The following FCAR variants were observed in gnomAD, a reference collection of about 807,000 sequenced individuals.
FCAR encodes the protein Fc alpha receptor, also known as immunoglobulin alpha Fc receptor.
Under a neutral mutation model 27.1 loss-of-function variants are expected in FCAR, and 21 were observed. That is an observed-to-expected ratio of 0.77 (90% CI 0.55 to 1.11). The LOEUF is 1.11. Among genes scored for constraint, FCAR ranks in the 50% most tolerant of loss-of-function variants. The pLI, the probability that FCAR is intolerant of heterozygous loss-of-function variation, is 0.00. For missense variants in FCAR, 404 were observed against 358.4 expected (o/e 1.13, Z -1.03); for synonymous variants, 134 against 135.8 (o/e 0.99, Z 0.09).
chr19:54,874,858 A>G (rs1434521358), intron 1 of FCAR, among the ~76,000 whole-genome samples: 1 of 151,998 alleles, frequency 6.6e-6, no homozygotes, highest in East Asian at 1.9e-4. Context: ...TTTTTTCAAT[A>G]GTTTCAGTAG....
At chr19:54,876,552 T>C (rs181904125) in intron 2 of FCAR, among the ~76,000 whole-genome samples, 55 of 152,322 alleles carry the variant, frequency 3.6e-4, no homozygotes, top group African/African-American at 1.3e-3. Flanking sequence ...TGTTGAATTT[T>C]ATCAAAAGCT....
chr19:54,876,910 G>C (rs1418636621), intron 2 of FCAR, among the ~76,000 whole-genome samples: 1 of 152,192 alleles, frequency 6.6e-6, no homozygotes, highest in Non-Finnish European at 1.5e-5. Context: ...AACAGAGCGA[G>C]ACTCCTATAT....
chr19:54,885,498 A>C lies in FCAR; in HGVS notation c.334A>C (p.Ser112Arg). 1 of 1,613,282 alleles carries C rather than the reference A, an allele frequency of 6.2e-7. No individual in the cohort carries two copies. Among genetic ancestry groups the C allele is most frequent in the Non-Finnish European group, 8.5e-7 (1 of 1,179,196 alleles). The stretch of plus-strand genomic sequence containing the variant: ...GATAGGGCACTACAGGTTCCGGTAC[A>C]GTGACACCCTGGAGCTGGTAGTGAC... ...YRIGHYRFRYSDTLELVVTGL... is the reference protein window; with the variant it reads ...YRIGHYRFRYRDTLELVVTGL... The change falls in exon 3 of 5, where the codon AGT (serine) becomes CGT (arginine). Residue 112 changes from serine to arginine, a missense_variant. Coordinates refer to ENST00000355524, the MANE Select transcript of FCAR (RefSeq NM_002000.4).
At chr19:54,876,715 C>T (rs1413803741) in intron 2 of FCAR, among the ~76,000 whole-genome samples, 3 of 152,044 alleles carry the variant, frequency 2.0e-5, no homozygotes, top group Non-Finnish European at 4.4e-5. Context: ...GTCAGGAGAT[C>T]GACACCATCC....
At chr19:54,880,191 C>T (rs1399041551) in intron 2 of FCAR, among the ~76,000 whole-genome samples, 1 of 152,148 alleles carries the variant, frequency 6.6e-6, no homozygotes, top group Non-Finnish European at 1.5e-5. Flanking sequence ...TTCGGGGATG[C>T]CAATGGGCTA....
intron 3 of FCAR, among the ~76,000 whole-genome samples, chr19:54,885,942 G>A (rs984681008): frequency 6.6e-5 from 10 of 151,372 alleles, no homozygotes; most frequent in East Asian, 3.9e-4. Flanking sequence ...TGAATTCCCC[G>A]TCTCTACTGA....
At chr19:54,889,501 G>A (rs868835106) in intron 4 of FCAR, 148 bp from the exon 5 acceptor site, 4 of 701,744 alleles carry the variant, frequency 5.7e-6, no homozygotes, top group African/African-American at 5.2e-5. Context: ...GTGTGGTGCT[G>A]GCGAAGCATG....
intron 4 of FCAR, 135 bp downstream of exon 4, chr19:54,888,429 A>G (rs1465176452): frequency 6.9e-7 from 1 of 1,450,306 alleles, no homozygotes; most frequent in Non-Finnish European, 9.1e-7. Context: ...GTGGAGAGAG[A>G]AAGGCTTCCC....
chr19:54,887,690 G>A (rs1238220579), intron 3 of FCAR, among the ~76,000 whole-genome samples: 1 of 151,274 alleles, frequency 6.6e-6, no homozygotes, highest in East Asian at 1.9e-4. Flanking sequence ...GCCAAGGTGG[G>A]CAAATCACCT....
At chr19:54,889,567 G>C (rs151132237) in intron 4 of FCAR, 82 bp from the exon 5 acceptor site, 14 of 1,198,032 alleles carry the variant, frequency 1.2e-5, no homozygotes, top group African/African-American at 6.0e-5. Flanking sequence ...AAAGGAAAAT[G>C]AGCTCCCGTT....
rs190835024 is a variant in FCAR at position 54,876,358 on chromosome 19, T to C, written c.70+993T>C. On this transcript the variant is annotated intron_variant, in intron 2 of 4. Transcript: ENST00000355524. ...TGATTGCTCTAGCTAGGACCTCCAG[T>C]ACTATGTTGAACAGAAGTAGTGAGA... 1.4e-3 allele frequency among the ~76,000 whole-genome samples: 220 copies of C among 152,308 alleles called. 2 individuals are homozygous for C. The highest frequency in any genetic ancestry group is 5.2e-3 in the African/African-American group (215 of 41,566).
intron 2 of FCAR, among the ~76,000 whole-genome samples, chr19:54,883,586 G>A (rs895426738): frequency 6.6e-6 from 1 of 152,134 alleles, no homozygotes; most frequent in African/African-American, 2.4e-5. Context: ...CGGCTTGGTC[G>A]CCACCTAACG....
chr19:54,877,539 T>G (rs887319718), intron 2 of FCAR, among the ~76,000 whole-genome samples: 1 of 152,156 alleles, frequency 6.6e-6, no homozygotes, highest in East Asian at 1.9e-4. Context: ...TTTCAAAAAT[T>G]CTACTCCTCG....
At chr19:54,881,501 T>G (rs73932253) in intron 2 of FCAR, among the ~76,000 whole-genome samples, 130,657 of 151,974 alleles carry the variant, frequency 0.86, 56,812 homozygotes, top group African/African-American at 0.91. Flanking sequence ...CTGGGGCTTG[T>G]TGAAGAGCAG....
intron 2 of FCAR, 31 bp from the exon 3 acceptor site, chr19:54,885,204 C>T (rs1380111957): frequency 3.1e-6 from 5 of 1,591,882 alleles, no homozygotes; most frequent in African/African-American, 1.4e-5. Flanking sequence ...CCATGGCAAG[C>T]CACCTCAGTC....
rs201138186 is a variant in FCAR at position 54,875,362 on chromosome 19, G to A, written c.67G>A (p.Glu23Lys). The change falls in exon 2 of 5, where the codon GAA becomes AAA. Residue 23 changes from glutamate (E) to lysine (K), a missense_variant. Physicochemically the swap from Glu to Lys is moderately conservative, Grantham distance 56 (BLOSUM62 1). Coordinates refer to ENST00000355524, the MANE Select transcript of FCAR (RefSeq NM_002000.4). ...LCLGQRIQAQ[E>K]GDFPMPFISA... ...TCTGGGCCAGAGGATTCAGGCACAGGAAGGTAAGTGTCCTGTAAATCTCTC... is the reference window on the plus strand; with the variant it reads ...TCTGGGCCAGAGGATTCAGGCACAGAAAGGTAAGTGTCCTGTAAATCTCTC... 231 of 1,613,558 alleles carry A rather than the reference G, an allele frequency of 1.4e-4. 2 individuals are homozygous for A. In the Middle Eastern group the frequency reaches 3.5e-3, roughly 24 times the overall value.
chr19:54,878,460 G>T (rs587663746), intron 2 of FCAR, among the ~76,000 whole-genome samples: 1 of 152,066 alleles, frequency 6.6e-6, no homozygotes, highest in South Asian at 2.1e-4. Flanking sequence ...CTCTTCGTTG[G>T]TCTCTCAGAA....
chr19:54,890,807 CCTTT>C lies in FCAR; in HGVS notation c.*945_*948del, dbSNP rs2067039573. On this transcript the variant is annotated 3_prime_UTR_variant, in exon 5 of 5. Transcript: ENST00000355524. ...GCCAAATATATTCAATAACCCCCCT[CCTTT>C]ATTTTTTTTTGTTGAAGTGAGGCTC... 6.6e-6 allele frequency: 1 copy of C among 152,094 alleles called. No individual in the cohort carries two copies. The highest frequency in any genetic ancestry group is 2.4e-5 in the African/African-American group (1 of 41,430). The allele number at this position is 152,094 out of a possible 1,614,324, so 9.4% of individuals were successfully genotyped here. A position where few individuals can be genotyped will look rare whatever the true frequency, so the allele number is the denominator to read the frequency against.
Position 54,889,717 on chromosome 19 carries a change from G to A in FCAR, c.718G>A (p.Ala240Thr), listed in dbSNP as rs762153097. The part of the protein sequence containing the change: ...RMAVAGLVLV[A>T]LLAILVENWH... ...GGCCGTGGCAGGACTGGTCCTCGTG[G>A]CTCTCTTGGCCATACTGGTTGAAAA... The change falls in exon 5 of 5, where the codon GCT becomes ACT. Residue 240 changes from alanine to threonine, a missense_variant. By Grantham distance (58) the Ala-to-Thr change is moderately conservative (BLOSUM62 0). Transcript: ENST00000355524. The A allele has an allele frequency of 6.2e-7, 1 of 1,614,140 alleles. No homozygotes were observed. Among genetic ancestry groups the A allele is most frequent in the Non-Finnish European group, 8.5e-7 (1 of 1,180,010 alleles).
Sources: allele counts gnomAD v4.1 joint callset (sites outside exome capture counted in the v4.1 genomes callset), GRCh38; gene constraint gnomAD v4.1.1; transcripts MANE v1.5; gene names NCBI Gene and HGNC (gene_info 2026-07-23, HGNC 2026-07-21).